HABP2: variants seen among roughly 807,000 people sequenced by gnomAD.
HABP2 encodes factor VII-activating protease.
Under a neutral mutation model 66.5 loss-of-function variants are expected in HABP2, and 65 were observed. The observed-to-expected ratio is 0.98, with a 90% CI of 0.80 to 1.20. The LOEUF (loss-of-function observed/expected upper bound fraction) is 1.20. HABP2 is among the 50% of genes most tolerant of loss of function. The pLI, the probability that HABP2 is intolerant of heterozygous loss-of-function variation, is 0.00. For synonymous variants in HABP2, 263 were observed against 253.9 expected (o/e 1.04, Z -0.34); for missense variants, 786 against 691.0 (o/e 1.14, Z -1.54).
chr10:113,557,840 T>A (rs995032772), intron 1 of HABP2, among the ~76,000 whole-genome samples: 2 of 152,246 alleles, frequency 1.3e-5, no homozygotes, highest in African/African-American at 4.8e-5. Flanking sequence ...ATTATCTCAT[T>A]TAAGCTTCTC....
intron 3 of HABP2, among the ~76,000 whole-genome samples, chr10:113,575,431 T>C (rs1592694253): frequency 6.6e-6 from 1 of 152,322 alleles, no homozygotes; most frequent in East Asian, 1.9e-4. Context: ...TCTCTCCTGA[T>C]GTTCAGAAAG....
rs542681634 is a variant in HABP2 at position 113,576,060 on chromosome 10, T to C, written c.331+56T>C. On this transcript the variant is annotated intron_variant, in intron 4 of 12. Coordinates refer to ENST00000351270, the MANE Select transcript of HABP2 (RefSeq NM_004132.5). ...CTCTGAGTTAAACAAGAGGCAGTCC[T>C]TTCTGTGTGAGAAAGCACTGCGCAA... 3.1e-6 allele frequency: 3 copies of C among 953,712 alleles called. No homozygotes were observed. In the East Asian group the frequency reaches 7.1e-5, roughly 23 times the overall value. 59.1% of individuals were successfully genotyped at this position (953,712 alleles called of 1,614,324 possible). A position where few individuals can be genotyped will look rare whatever the true frequency, so the allele number is the denominator to read the frequency against.
rs186991882 is a variant in HABP2 at position 113,588,410 on chromosome 10, C to A, written c.*41C>A. 1.3e-6 allele frequency: 2 copies of A among 1,537,334 alleles called. No individual in the cohort carries two copies. The highest frequency in any genetic ancestry group is 2.3e-5 in the East Asian group (1 of 44,282). On this transcript the variant is annotated 3_prime_UTR_variant, in exon 13 of 13. Transcript: ENST00000351270. Reference sequence around the variant, plus strand: ...ACCTCAGAGCCCACTCTCCTTGGCACCCTGACACCGGGAGGCCTCATGGCC... The same window carrying A: ...ACCTCAGAGCCCACTCTCCTTGGCAACCTGACACCGGGAGGCCTCATGGCC...
chr10:113,572,679 G>C, intron 2 of HABP2: 1 of 454,616 alleles, frequency 2.2e-6, no homozygotes, highest in Non-Finnish European at 4.4e-6. Flanking sequence ...AACTTTATTT[G>C]CTCCAGGAAG....
intron 5 of HABP2, among the ~76,000 whole-genome samples, chr10:113,577,788 C>G (rs1258655518): frequency 6.6e-6 from 1 of 152,242 alleles, no homozygotes; most frequent in Non-Finnish European, 1.5e-5. Context: ...ACTGACCCAT[C>G]TACTTATGCA....
chr10:113,576,028 C>G lies in HABP2; in HGVS notation c.331+24C>G, dbSNP rs201627312. The G allele has an allele frequency of 1.1e-4, 134 of 1,209,508 alleles. No homozygotes were observed. In the Admixed American group the frequency reaches 2.2e-3, roughly 20 times the overall value. The allele number at this position is 1,209,508 out of a possible 1,614,324, so 74.9% of individuals were successfully genotyped here. On this transcript the variant is annotated intron_variant, in intron 4 of 12. Transcript: ENST00000351270. ...AGGTGAGTCCGTCATCACTAGTCCA[C>G]TCTTCCCTCTGAGTTAAACAAGAGG...
Position 113,588,433 on chromosome 10 carries a change from G to A in HABP2, c.*64G>A. On this transcript the variant is annotated 3_prime_UTR_variant, in exon 13 of 13. Coordinates refer to ENST00000351270, the MANE Select transcript of HABP2 (RefSeq NM_004132.5). ...CACCCTGACACCGGGAGGCCTCATG[G>A]CCAACAATGGACACCTCCAGAGCCT... 3 of 1,306,406 alleles carry A rather than the reference G, an allele frequency of 2.3e-6. No individual in the cohort carries two copies. Among genetic ancestry groups the A allele is most frequent in the Non-Finnish European group, 3.2e-6 (3 of 933,586 alleles). 80.9% of individuals were successfully genotyped at this position (1,306,406 alleles called of 1,614,324 possible).
intron 12 of HABP2, among the ~76,000 whole-genome samples, chr10:113,587,523 G>A (rs925181019): frequency 2.0e-5 from 3 of 152,118 alleles, no homozygotes; most frequent in African/African-American, 7.2e-5. Context: ...AAGATCACAA[G>A]GTCGTGGCTA....
At position 113,583,202 on chromosome 10, in the gene HABP2, A is replaced by G. The variant is rs1485866029; in HGVS notation, c.1095-14A>G. 6.2e-7 allele frequency: 1 copy of G among 1,612,282 alleles called. No individual in the cohort carries two copies. The highest frequency in any genetic ancestry group is 8.5e-7 in the Non-Finnish European group (1 of 1,178,950). On this transcript the variant is annotated splice_polypyrimidine_tract_variant and intron_variant, in intron 9 of 12. Coordinates refer to ENST00000351270, the MANE Select transcript of HABP2 (RefSeq NM_004132.5). ...GAAACAGTGCCTTCCTGACCATCTCATTTTCCCTTGCAGCATAAAAACCAG... is the reference window on the plus strand; with the variant it reads ...GAAACAGTGCCTTCCTGACCATCTCGTTTTCCCTTGCAGCATAAAAACCAG...
In HABP2 at chr10:113,589,521, A is replaced by T. The variant is rs1845811959; in HGVS notation, c.*1152A>T. ...CTGCCTGGTCATCTCAGACCCATGA[A>T]ATTAGGCGCCTTGTTTGAGCTGCGT... On this transcript the variant is annotated 3_prime_UTR_variant, in exon 13 of 13. Transcript: ENST00000351270. The T allele has an allele frequency of 4.3e-6, 4 of 933,690 alleles. No individual in the cohort carries two copies. Among genetic ancestry groups the T allele is most frequent in the Admixed American group, 5.0e-5 (2 of 40,180 alleles). 57.8% of individuals were successfully genotyped at this position (933,690 alleles called of 1,614,324 possible).
At chr10:113,558,795 CTTG>C (rs1236913933) in intron 1 of HABP2, among the ~76,000 whole-genome samples, 1 of 152,106 alleles carries the variant, frequency 6.6e-6, no homozygotes, top group African/African-American at 2.4e-5. Context: ...AACATGGGGG[CTTG>C]TGCTTATGAG....
chr10:113,565,720 GT>G (rs1185202316), intron 1 of HABP2, among the ~76,000 whole-genome samples: 2 of 152,202 alleles, frequency 1.3e-5, no homozygotes, highest in Non-Finnish European at 2.9e-5. Flanking sequence ...TTTTGCCATT[GT>G]TTTTAAATCC....
chr10:113,586,159 G>A (rs1462321324), intron 12 of HABP2, among the ~76,000 whole-genome samples: 1 of 152,206 alleles, frequency 6.6e-6, no homozygotes, highest in African/African-American at 2.4e-5. Context: ...CACATTGCCT[G>A]CACTGTCTAA....
chr10:113,561,109 T>C (rs934483970), intron 1 of HABP2, among the ~76,000 whole-genome samples: 6 of 152,148 alleles, frequency 3.9e-5, no homozygotes, highest in African/African-American at 1.4e-4. Context: ...TAGGATAAAG[T>C]TGGTTAGACA....
chr10:113,572,717 C>T (rs1845335234), intron 2 of HABP2: 1 of 454,658 alleles, frequency 2.2e-6, no homozygotes, highest in Non-Finnish European at 4.4e-6. Flanking sequence ...AACCTGGATC[C>T]TCAGCCCTAA....
At chr10:113,582,483 T>C (rs1845558885) in intron 9 of HABP2, among the ~76,000 whole-genome samples, 1 of 152,204 alleles carries the variant, frequency 6.6e-6, no homozygotes, top group Non-Finnish European at 1.5e-5. Flanking sequence ...GAAAAGAGTT[T>C]ATTGTTATTC....
intron 1 of HABP2, among the ~76,000 whole-genome samples, chr10:113,562,441 CTTT>C (rs11396673): frequency 2.9e-3 from 358 of 121,628 alleles, no homozygotes; most frequent in African/African-American, 5.9e-3. Context: ...ATTGGATAAG[CTTT>C]TTTTTTTTTT....
upstream of HABP2, among the ~76,000 whole-genome samples, chr10:113,552,333 C>A (rs1461405784): frequency 6.6e-6 from 1 of 152,144 alleles, no homozygotes; most frequent in African/African-American, 2.4e-5. Flanking sequence ...ATTGTGTCCA[C>A]AAGAACCCAC....
At position 113,580,028 on chromosome 10, in the gene HABP2, C is replaced by T. The variant is rs11575764; in HGVS notation, c.741-567C>T. 1.6e-3 allele frequency among the ~76,000 whole-genome samples: 245 copies of T among 152,274 alleles called. 3 individuals are homozygous for T. Among genetic ancestry groups the T allele is most frequent in the African/African-American group, 5.6e-3 (231 of 41,554 alleles). On this transcript the variant is annotated intron_variant, in intron 7 of 12. Transcript: ENST00000351270. ...AACTCTTGACCTCATGATCCACCTGCCTTGGCCTCCCAAAGTGCTGGGATT... is the reference window on the plus strand; with the variant it reads ...AACTCTTGACCTCATGATCCACCTGTCTTGGCCTCCCAAAGTGCTGGGATT...
Sources: allele counts gnomAD v4.1 joint callset (sites outside exome capture counted in the v4.1 genomes callset), GRCh38; gene constraint gnomAD v4.1.1; transcripts MANE v1.5; gene names NCBI Gene and HGNC (gene_info 2026-07-23, HGNC 2026-07-21).